The following NAPEPLD variants were observed in gnomAD, a reference collection of about 807,000 sequenced individuals.
NAPEPLD encodes the protein N-acyl-phosphatidylethanolamine-hydrolyzing phospholipase D.
NAPEPLD carries 23 observed loss-of-function variants against 38.1 expected under a neutral mutation model. The observed-to-expected ratio is 0.60, with a 90% CI of 0.43 to 0.86. NAPEPLD has a LOEUF of 0.86. NAPEPLD is among the 40% of genes least tolerant of loss of function. The pLI, the probability that NAPEPLD is intolerant of heterozygous loss-of-function variation, is 0.00. For synonymous variants in NAPEPLD, 147 were observed against 162.0 expected (o/e 0.91, Z 0.71); for missense variants, 411 against 476.8 (o/e 0.86, Z 1.28).
chr7:103,144,885 G>A (rs1417854248), intron 1 of NAPEPLD, among the ~76,000 whole-genome samples: 2 of 152,042 alleles, frequency 1.3e-5, no homozygotes, highest in Non-Finnish European at 2.9e-5. Context: ...GGTAGTGCAT[G>A]CCTGTAGTCC....
rs182415142 is a variant in NAPEPLD at position 103,149,089 on chromosome 7, C to T, written c.-295G>A. ...CCGAAGAATTCCAAACCACCCCAGG[C>T]TCAGCAGTGTGGATTGCTCCGCCCA... On this transcript the variant is annotated 5_prime_UTR_variant, in exon 1 of 5. Coordinates refer to ENST00000465647, the MANE Select transcript of NAPEPLD (RefSeq NM_001122838.3). The T allele has an allele frequency of 1.0e-5, 10 of 985,510 alleles. No individual in the cohort carries two copies. The highest frequency in any genetic ancestry group is 1.2e-5 in the Non-Finnish European group (10 of 830,112). The allele number at this position is 985,510 out of a possible 1,614,324, so 61.0% of individuals were successfully genotyped here. A position where few individuals can be genotyped will look rare whatever the true frequency, so the allele number is the denominator to read the frequency against.
intron 4 of NAPEPLD, among the ~76,000 whole-genome samples, chr7:103,106,276 G>A (rs1180435323): frequency 1.6e-4 from 25 of 152,058 alleles, no homozygotes; most frequent in Admixed American, 1.6e-3. Flanking sequence ...TCCGGTGCCT[G>A]CCCCACCAGG....
chr7:103,119,622 C>G lies in NAPEPLD; in HGVS notation c.896G>C (p.Gly299Ala), dbSNP rs150393096. Residue 299 changes from glycine (G) to alanine (A), a missense_variant, in exon 3 of 5, where the codon GGA becomes GCA. Physicochemically the swap from Gly to Ala is moderately conservative, Grantham distance 60. Coordinates refer to ENST00000465647, the MANE Select transcript of NAPEPLD (RefSeq NM_001122838.3). ...PAFEEIGKRF[G>A]PFDLAAIPIG... ...GGGAATAGCTGCAAGGTCAAAAGGT[C>G]CAAATCTTTTTCCTATCTCTTCAAA... The G allele has an allele frequency of 1.3e-4, 216 of 1,614,140 alleles. No individual in the cohort carries two copies. The highest frequency in any genetic ancestry group is 1.8e-4 in the Admixed American group (11 of 60,024).
chr7:103,143,765 T>TTAA (rs2129537061), intron 1 of NAPEPLD, among the ~76,000 whole-genome samples: 1 of 152,272 alleles, frequency 6.6e-6, no homozygotes, highest in East Asian at 1.9e-4. Context: ...TCACAACAAA[T>TTAA]TAATCCTAAC....
chr7:103,135,790 A>G (rs993124452), intron 1 of NAPEPLD, among the ~76,000 whole-genome samples: 5 of 152,156 alleles, frequency 3.3e-5, no homozygotes, highest in Non-Finnish European at 7.3e-5. Context: ...ACTAGAGTGG[A>G]AAGAACACTA....
chr7:103,141,705 C>T, intron 1 of NAPEPLD: 1 of 900,458 alleles, frequency 1.1e-6, no homozygotes, highest in Non-Finnish European at 1.9e-6. Flanking sequence ...TTCCGCTTAC[C>T]TATGCCCATA....
At chr7:103,117,325 G>A (rs1805774356) in intron 3 of NAPEPLD, among the ~76,000 whole-genome samples, 1 of 152,162 alleles carries the variant, frequency 6.6e-6, no homozygotes, top group African/African-American at 2.4e-5. Context: ...CCTGACTCTT[G>A]GGATTCAGGG....
intron 4 of NAPEPLD, among the ~76,000 whole-genome samples, chr7:103,104,002 T>G (rs990544342): frequency 6.6e-6 from 1 of 152,180 alleles, no homozygotes; most frequent in Admixed American, 6.5e-5. Flanking sequence ...GAAGAAGGGT[T>G]GTTATCCTCA....
chr7:103,139,352 C>T (rs1454135120), intron 1 of NAPEPLD, among the ~76,000 whole-genome samples: 1 of 152,134 alleles, frequency 6.6e-6, no homozygotes, highest in African/African-American at 2.4e-5. Context: ...CATAAGAAAC[C>T]ATATAGATTT....
At chr7:103,127,874 T>G (rs181797432) in intron 2 of NAPEPLD, 2 of 152,614 alleles carry the variant, frequency 1.3e-5, no homozygotes, top group African/African-American at 4.8e-5. Context: ...ATCTGTCTAT[T>G]CTAACAGAAT....
chr7:103,139,034 C>T (rs183121907), intron 1 of NAPEPLD, among the ~76,000 whole-genome samples: 16 of 152,242 alleles, frequency 1.1e-4, no homozygotes, highest in African/African-American at 1.4e-4. Context: ...AAGGGATAAG[C>T]GAAGTATTTC....
chr7:103,110,676 G>A (rs530264812), intron 4 of NAPEPLD, among the ~76,000 whole-genome samples: 26 of 152,272 alleles, frequency 1.7e-4, no homozygotes, highest in African/African-American at 6.0e-4. Context: ...CACAAGACAA[G>A]GATGCCCTCT....
intron 1 of NAPEPLD, among the ~76,000 whole-genome samples, chr7:103,140,544 C>T (rs1445350138): frequency 1.3e-5 from 2 of 151,974 alleles, no homozygotes; most frequent in African/African-American, 2.4e-5. Flanking sequence ...AGGAGCCCGC[C>T]ACCACGCCCG....
In NAPEPLD at chr7:103,099,893, T is replaced by C. The variant is rs970731201; in HGVS notation, c.*3536A>G. 1 of 152,204 alleles carries C rather than the reference T, an allele frequency of 6.6e-6. No individual in the cohort carries two copies. The highest frequency in any genetic ancestry group is 2.4e-5 in the African/African-American group (1 of 41,454). The allele number at this position is 152,204 out of a possible 1,614,324, so 9.4% of individuals were successfully genotyped here. Reference sequence around the variant, plus strand: ...TCCATAAGCTACTATAACAATTTATTGATACATCTGGGATTCAGCCAGGTC... The same window carrying C: ...TCCATAAGCTACTATAACAATTTATCGATACATCTGGGATTCAGCCAGGTC... On this transcript the variant is annotated 3_prime_UTR_variant, in exon 5 of 5. Transcript: ENST00000465647.
At chr7:103,143,176 G>A (rs534910421) in intron 1 of NAPEPLD, among the ~76,000 whole-genome samples, 48 of 151,944 alleles carry the variant, frequency 3.2e-4, no homozygotes, top group Non-Finnish European at 6.8e-4. Flanking sequence ...GTAGTGAGCC[G>A]TGATCATGCC....
chr7:103,113,042 C>A (rs1271853775), intron 4 of NAPEPLD, among the ~76,000 whole-genome samples: 1 of 152,186 alleles, frequency 6.6e-6, no homozygotes, highest in African/African-American at 2.4e-5. Context: ...AACTGTCTAA[C>A]CAGCTATTGA....
intron 1 of NAPEPLD, among the ~76,000 whole-genome samples, chr7:103,140,950 C>G (rs1460684138): frequency 6.6e-6 from 1 of 152,040 alleles, no homozygotes; most frequent in African/African-American, 2.4e-5. Flanking sequence ...AAATTTCCCA[C>G]AATGGGAGCT....
At chr7:103,117,272 TCTC>T (rs1234421924) in intron 3 of NAPEPLD, among the ~76,000 whole-genome samples, 1 of 152,170 alleles carries the variant, frequency 6.6e-6, no homozygotes, top group African/African-American at 2.4e-5. Flanking sequence ...GCCACTGTGT[TCTC>T]CTCAACAGCA....
In NAPEPLD at chr7:103,123,738, T is replaced by C. The variant is rs190819279; in HGVS notation, c.295-3515A>G. 1.8e-4 allele frequency among the ~76,000 whole-genome samples: 28 copies of C among 152,280 alleles called. No homozygotes were observed. In the East Asian group the frequency reaches 4.1e-3, roughly 22 times the overall value. ...GGGAAGTTACAGCACTCAGGCAAGGTCACCCAGCCAGACCCACTGTAGTAA... is the reference window on the plus strand; with the variant it reads ...GGGAAGTTACAGCACTCAGGCAAGGCCACCCAGCCAGACCCACTGTAGTAA... On this transcript the variant is annotated intron_variant, in intron 2 of 4. Transcript: ENST00000465647.
Sources: allele counts gnomAD v4.1 joint callset (sites outside exome capture counted in the v4.1 genomes callset), GRCh38; gene constraint gnomAD v4.1.1; transcripts MANE v1.5; gene names NCBI Gene and HGNC (gene_info 2026-07-23, HGNC 2026-07-21).